The following PPP3CA variants were observed in gnomAD, a reference collection of about 807,000 sequenced individuals.
PPP3CA encodes protein phosphatase 3 catalytic subunit alpha, also known as CAM-PRP catalytic subunit.
In PPP3CA, 14 loss-of-function variants were observed where a neutral mutation model predicts 66.5. That is an observed-to-expected ratio of 0.21 (90% CI 0.14 to 0.33). PPP3CA has a LOEUF of 0.33. Among genes scored for constraint, PPP3CA ranks in the 10% least tolerant of loss-of-function variants. The pLI, the probability that PPP3CA is intolerant of heterozygous loss-of-function variation, is 1.00. For missense variants in PPP3CA, 317 were observed against 639.5 expected (o/e 0.50, Z 5.44); for synonymous variants, 232 against 226.2 (o/e 1.03, Z -0.23).
intron 1 of PPP3CA, among the ~76,000 whole-genome samples, chr4:101,287,028 G>GA (rs551164296): frequency 0.018 from 2,247 of 126,754 alleles, 54 homozygotes; most frequent in African/African-American, 0.058. Context: ...TTGCACAACA[G>GA]AAAAAAAAAA....
intron 6 of PPP3CA, among the ~76,000 whole-genome samples, chr4:101,089,237 C>T (rs1729806387): frequency 6.6e-6 from 1 of 151,174 alleles, no homozygotes; most frequent in South Asian, 2.1e-4. Context: ...GAAAAAAATG[C>T]CAAAGCAGAA....
intron 1 of PPP3CA, among the ~76,000 whole-genome samples, chr4:101,261,318 T>C (rs558772471): frequency 6.6e-5 from 10 of 152,218 alleles, no homozygotes; most frequent in South Asian, 6.2e-4. Flanking sequence ...GTATTGAAAG[T>C]ATGGTATTGT....
intron 1 of PPP3CA, among the ~76,000 whole-genome samples, chr4:101,336,007 C>A (rs938712095): frequency 2.6e-5 from 4 of 151,668 alleles, no homozygotes; most frequent in Admixed American, 6.6e-5. Context: ...GAGTTCAAGA[C>A]CAGCCTGGTC....
intron 1 of PPP3CA, among the ~76,000 whole-genome samples, chr4:101,269,776 A>C (rs1027126839): frequency 2.6e-5 from 4 of 152,178 alleles, no homozygotes; most frequent in African/African-American, 9.6e-5. Context: ...ATCATGAAGA[A>C]GACAACATAT....
intron 1 of PPP3CA, among the ~76,000 whole-genome samples, chr4:101,213,231 A>C (rs1725361883): frequency 6.6e-6 from 1 of 151,642 alleles, no homozygotes; most frequent in South Asian, 2.1e-4. Flanking sequence ...ACAGTTAAAA[A>C]GTTTCTTATT....
At chr4:101,234,596 C>T (rs760870421) in intron 1 of PPP3CA, among the ~76,000 whole-genome samples, 7 of 150,078 alleles carry the variant, frequency 4.7e-5, no homozygotes, top group Non-Finnish European at 8.9e-5. Flanking sequence ...TCTTGTAAAT[C>T]GGGTCATTTT....
At chr4:101,343,816 C>T (rs565621009) in intron 1 of PPP3CA, among the ~76,000 whole-genome samples, 11 of 152,122 alleles carry the variant, frequency 7.2e-5, no homozygotes, top group Admixed American at 3.9e-4. Context: ...ACTCAACCTA[C>T]GTCTCTAAAG....
intron 3 of PPP3CA, among the ~76,000 whole-genome samples, chr4:101,102,610 CTTGCCGGCAACTATT>C (rs1215310931): frequency 1.3e-5 from 2 of 152,094 alleles, no homozygotes; most frequent in Non-Finnish European, 2.9e-5. Flanking sequence ...ACAACACTGT[CTTGCCGGCAACTATT>C]TTACCATCTA....
intron 1 of PPP3CA, among the ~76,000 whole-genome samples, chr4:101,288,933 T>C (rs1727931297): frequency 6.6e-6 from 1 of 151,954 alleles, no homozygotes. Context: ...TCGAAACATT[T>C]CCTCCCAACT....
chr4:101,114,257 T>C (rs1721771130), intron 2 of PPP3CA, among the ~76,000 whole-genome samples: 1 of 152,090 alleles, frequency 6.6e-6, no homozygotes, highest in Non-Finnish European at 1.5e-5. Context: ...ATGTCAGAAA[T>C]TTAGAGAGTT....
At chr4:101,292,761 G>A (rs893616153) in intron 1 of PPP3CA, among the ~76,000 whole-genome samples, 1 of 152,104 alleles carries the variant, frequency 6.6e-6, no homozygotes, top group African/African-American at 2.4e-5. Flanking sequence ...AAAAACAAGG[G>A]GTTGGGTGGA....
At chr4:101,339,209 G>A (rs1235418287) in intron 1 of PPP3CA, among the ~76,000 whole-genome samples, 1 of 152,168 alleles carries the variant, frequency 6.6e-6, no homozygotes, top group African/African-American at 2.4e-5. Flanking sequence ...GATGTAAACA[G>A]GGAAAGAGGT....
chr4:101,079,653 G>A lies in PPP3CA; in HGVS notation c.955+879C>T, dbSNP rs970771128. ...CTCTTAATCTCAGAAAGCCACACTC[G>A]GACATGCTGCCTATATAATATCCAG... On this transcript the variant is annotated intron_variant, in intron 8 of 13. Coordinates refer to ENST00000394854, the MANE Select transcript of PPP3CA (RefSeq NM_000944.5). Among the ~76,000 whole-genome samples, 32 of 152,072 alleles carry A rather than the reference G, an allele frequency of 2.1e-4. 1 individual carries two copies. The highest frequency in any genetic ancestry group is 8.8e-5 in the Non-Finnish European group (6 of 68,014).
chr4:101,161,081 TAC>T (rs1723491273), intron 2 of PPP3CA, among the ~76,000 whole-genome samples: 1 of 152,194 alleles, frequency 6.6e-6, no homozygotes, highest in Non-Finnish European at 1.5e-5. Flanking sequence ...ATATGTTATA[TAC>T]ACAAATACTT....
intron 1 of PPP3CA, among the ~76,000 whole-genome samples, chr4:101,305,682 A>AATTTT (rs1367061741): frequency 6.6e-6 from 1 of 152,186 alleles, no homozygotes; most frequent in Non-Finnish European, 1.5e-5. Flanking sequence ...TGAGAGTTAT[A>AATTTT]ATATCAAAAC....
chr4:101,106,576 C>G (rs530564822), intron 3 of PPP3CA, among the ~76,000 whole-genome samples: 1 of 151,974 alleles, frequency 6.6e-6, no homozygotes, highest in African/African-American at 2.4e-5. Context: ...CCTTGTCCTC[C>G]CATTGCTGTT....
chr4:101,267,215 G>T (rs1384024583), intron 1 of PPP3CA, among the ~76,000 whole-genome samples: 1 of 152,172 alleles, frequency 6.6e-6, no homozygotes, highest in African/African-American at 2.4e-5. Flanking sequence ...CATGTACTGT[G>T]CAGAATATGC....
At chr4:101,215,596 A>T (rs184290798) in intron 1 of PPP3CA, among the ~76,000 whole-genome samples, 100 of 152,176 alleles carry the variant, frequency 6.6e-4, no homozygotes, top group South Asian at 3.9e-3. Flanking sequence ...TACAGAAAAA[A>T]ACTAAATGAA....
chr4:101,084,193 A>G (rs1187386906), intron 6 of PPP3CA, among the ~76,000 whole-genome samples: 1 of 152,204 alleles, frequency 6.6e-6, no homozygotes, highest in African/African-American at 2.4e-5. Flanking sequence ...ACTATATACC[A>G]TTGAAAACAT....
Sources: gnomAD v4.1 joint callset for allele counts (sites outside exome capture counted in the v4.1 genomes callset) on GRCh38, gnomAD v4.1.1 for gene constraint, MANE v1.5 for transcripts, NCBI Gene and HGNC (gene_info 2026-07-23, HGNC 2026-07-21) for gene names.